The following MCEE variants were observed in gnomAD, a reference collection of about 807,000 sequenced individuals.
MCEE encodes the protein methylmalonyl-CoA epimerase.
Under a neutral mutation model 12.9 loss-of-function variants are expected in MCEE, and 6 were observed. The ratio of observed to expected loss-of-function variants is 0.47; its 90% CI spans 0.26 to 0.92. The LOEUF (loss-of-function observed/expected upper bound fraction) is 0.92, where lower values mean the gene tolerates loss of function less well. MCEE is among the 40% of genes least tolerant of loss of function. The pLI is 0.16. For synonymous variants in MCEE, 78 were observed against 77.9 expected (o/e 1.00, Z -0.01); for missense variants, 214 against 212.1 (o/e 1.01, Z -0.05).
intron 1 of MCEE, among the ~76,000 whole-genome samples, chr2:71,126,335 C>G (rs1673231757): frequency 6.6e-6 from 1 of 151,894 alleles, no homozygotes; most frequent in African/African-American, 2.4e-5. Context: ...TCAAGCGATT[C>G]TCCTGCCTCA....
intron 1 of MCEE, 129 bp from the exon 2 acceptor site, chr2:71,124,672 G>T: frequency 1.3e-6 from 1 of 753,472 alleles, no homozygotes; most frequent in Non-Finnish European, 2.2e-6. Context: ...TTTAATTATT[G>T]AAATGAAACC....
chr2:71,123,949 T>C (rs1673155589), intron 2 of MCEE, among the ~76,000 whole-genome samples: 1 of 152,220 alleles, frequency 6.6e-6, no homozygotes, highest in South Asian at 2.1e-4. Context: ...CTCTACATTG[T>C]GGCTAACTTT....
At chr2:71,122,892 C>T (rs1673126721) in intron 2 of MCEE, among the ~76,000 whole-genome samples, 1 of 152,246 alleles carries the variant, frequency 6.6e-6, no homozygotes, top group African/African-American at 2.4e-5. Context: ...AATTCCTTCA[C>T]ATTCATTGTA....
intron 1 of MCEE, among the ~76,000 whole-genome samples, chr2:71,128,999 AG>A: frequency 6.8e-6 from 1 of 147,984 alleles, no homozygotes; most frequent in Non-Finnish European, 1.5e-5. Flanking sequence ...AAAAAAAAAA[AG>A]GTAAATTTTA....
At position 71,121,871 on chromosome 2, in the gene MCEE, G is replaced by A. The variant is rs1032974118; in HGVS notation, c.378+2335C>T. ...CTTAAGGTCTTATAGCTTCCCCACC[G>A]CAAATTTAAAACTCAGTTAATATAA... On this transcript the variant is annotated intron_variant, in intron 2 of 2. Coordinates refer to ENST00000244217, the MANE Select transcript of MCEE (RefSeq NM_032601.4). 6.6e-5 allele frequency among the ~76,000 whole-genome samples: 10 copies of A among 152,094 alleles called. No homozygotes were observed. The East Asian group carries it at 9.6e-4, about 15-fold the overall frequency.
At chr2:71,112,061 A>T (rs1672894770) in intron 2 of MCEE, among the ~76,000 whole-genome samples, 1 of 152,116 alleles carries the variant, frequency 6.6e-6, no homozygotes, top group South Asian at 2.1e-4. Context: ...ATTCTATAAT[A>T]TGTCTTTTTT....
At chr2:71,116,529 T>A (rs1346442588) in intron 2 of MCEE, among the ~76,000 whole-genome samples, 1 of 148,090 alleles carries the variant, frequency 6.8e-6, no homozygotes, top group African/African-American at 2.6e-5. Context: ...GTTTGGATTG[T>A]CACAATCAGA....
Position 71,124,403 on chromosome 2 carries a change from C to A in MCEE, c.181G>T (p.Ala61Ser). Residue 61 changes from alanine to serine, a missense_variant, in exon 2 of 3, where the codon GCT (alanine) becomes TCT (serine). Coordinates refer to ENST00000244217, the MANE Select transcript of MCEE (RefSeq NM_032601.4). The stretch of plus-strand genomic sequence containing the variant: ...AGAATATTCTTATAAAATGCTGCAG[C>A]CTTTTCCAAATCTGGCACTGCTATG... The part of the protein sequence containing the change: ...VAIAVPDLEK[A>S]AAFYKNILGA... 1.2e-6 allele frequency: 2 copies of A among 1,614,130 alleles called. No homozygotes were observed. Among genetic ancestry groups the A allele is most frequent in the Non-Finnish European group, 1.7e-6 (2 of 1,180,032 alleles).
intron 2 of MCEE, among the ~76,000 whole-genome samples, chr2:71,123,082 A>C (rs1673129467): frequency 6.6e-6 from 1 of 152,204 alleles, no homozygotes; most frequent in Non-Finnish European, 1.5e-5. Flanking sequence ...TCACTGCTAA[A>C]TCCCAAGTAC....
At chr2:71,110,272 G>A (rs1404071814) in intron 2 of MCEE, 150 bp from the exon 3 acceptor site, 1 of 718,558 alleles carries the variant, frequency 1.4e-6, no homozygotes, top group African/African-American at 1.8e-5. Context: ...TAAAAAATAA[G>A]CTTAAAATTT....
chr2:71,124,071 G>A (rs925179638), intron 2 of MCEE, 135 bp downstream of exon 2: 3 of 670,356 alleles, frequency 4.5e-6, no homozygotes, highest in Non-Finnish European at 7.8e-6. Context: ...CCTTTGAGGA[G>A]GATGAATATT....
rs926388547 is a variant in MCEE at position 71,120,004 on chromosome 2, G to A, written c.378+4202C>T. Among the ~76,000 whole-genome samples, 6 of 149,768 alleles carry A rather than the reference G, an allele frequency of 4.0e-5. 2 individuals carry two copies. The highest frequency in any genetic ancestry group is 1.3e-4 in the African/African-American group (5 of 39,224). ...GGAGTTCCAGGTTGCAGTGCGTAAT[G>A]ATTGTGCCACTGCACTCCAGCATGG... On this transcript the variant is annotated intron_variant, in intron 2 of 2. Transcript: ENST00000244217.
intron 2 of MCEE, among the ~76,000 whole-genome samples, chr2:71,114,233 A>G (rs1232150146): frequency 6.6e-6 from 1 of 152,222 alleles, no homozygotes; most frequent in African/African-American, 2.4e-5. Flanking sequence ...GCTAATGCAT[A>G]CAAGGCTTAA....
Position 71,109,716 on chromosome 2 carries a change from T to C in MCEE, c.*254A>G. 1 of 257,012 alleles carries C rather than the reference T, an allele frequency of 3.9e-6. No homozygotes were observed. The highest frequency in any genetic ancestry group is 7.2e-6 in the Non-Finnish European group (1 of 138,308). 15.9% of individuals were successfully genotyped at this position (257,012 alleles called of 1,614,324 possible). A position where few individuals can be genotyped will look rare whatever the true frequency, so the allele number is the denominator to read the frequency against. On this transcript the variant is annotated 3_prime_UTR_variant, in exon 3 of 3. Transcript: ENST00000244217. ...AGAGGAATAATTTATTTCTATATGA[T>C]TTTAATAATGTTCCCTAAGTAATTA... is the stretch of plus-strand genomic sequence containing the variant.
chr2:71,120,169 G>A (rs1673070821), intron 2 of MCEE, among the ~76,000 whole-genome samples: 1 of 150,148 alleles, frequency 6.7e-6, no homozygotes, highest in South Asian at 2.1e-4. Context: ...CAACCAACAC[G>A]GAAGCATTTA....
chr2:71,123,044 C>G (rs1673128884), intron 2 of MCEE, among the ~76,000 whole-genome samples: 1 of 152,204 alleles, frequency 6.6e-6, no homozygotes, highest in Non-Finnish European at 1.5e-5. Context: ...TCTGACCCTC[C>G]TCACTATGGA....
chr2:71,127,315 G>A (rs1340019667), intron 1 of MCEE, among the ~76,000 whole-genome samples: 2 of 152,162 alleles, frequency 1.3e-5, no homozygotes, highest in Non-Finnish European at 2.9e-5. Context: ...TTCAGATTTT[G>A]CATTTATTTC....
chr2:71,120,108 C>A (rs1673069382), intron 2 of MCEE, among the ~76,000 whole-genome samples: 1 of 150,016 alleles, frequency 6.7e-6, no homozygotes, highest in Non-Finnish European at 1.5e-5. Context: ...AGAAAAGGGT[C>A]CTTCTGGAAA....
chr2:71,109,822 T>C lies in MCEE; in HGVS notation c.*148A>G. On this transcript the variant is annotated 3_prime_UTR_variant, in exon 3 of 3. Coordinates refer to ENST00000244217, the MANE Select transcript of MCEE (RefSeq NM_032601.4). The stretch of plus-strand genomic sequence containing the variant: ...ATATACATATTTATGTATTTATATA[T>C]GTATATATTTTAATCTTTCTGTAAT... The C allele has an allele frequency of 1.7e-6, 1 of 586,166 alleles. No homozygotes were observed. The highest frequency in any genetic ancestry group is 3.0e-6 in the Non-Finnish European group (1 of 338,638). 36.3% of individuals were successfully genotyped at this position (586,166 alleles called of 1,614,324 possible). A position where few individuals can be genotyped will look rare whatever the true frequency, so the allele number is the denominator to read the frequency against.
Sources: allele counts gnomAD v4.1 joint callset (sites outside exome capture counted in the v4.1 genomes callset), GRCh38; gene constraint gnomAD v4.1.1; transcripts MANE v1.5; gene names NCBI Gene and HGNC (gene_info 2026-07-23, HGNC 2026-07-21).